The following SLC6A2 variants were observed in gnomAD, a reference collection of about 807,000 sequenced individuals.
SLC6A2 encodes the protein sodium-dependent noradrenaline transporter.
Under a neutral mutation model 71.7 loss-of-function variants are expected in SLC6A2, and 26 were observed. That is an observed-to-expected ratio of 0.36 (90% confidence interval 0.27 to 0.50). The LOEUF (loss-of-function observed/expected upper bound fraction) is 0.50. SLC6A2 is among the 20% of genes least tolerant of loss of function. The pLI, the probability that SLC6A2 is intolerant of heterozygous loss-of-function variation, is 0.96. For missense variants in SLC6A2, 581 were observed against 803.9 expected, an observed-to-expected ratio of 0.72 and a Z score of 3.35; for synonymous variants, 363 against 337.9, an observed-to-expected ratio of 1.07 and a Z score of -0.82.
chr16:55,676,039 G>A (rs1475494791), intron 4 of SLC6A2, among the ~76,000 whole-genome samples: 1 of 152,150 alleles, frequency 6.6e-6, no homozygotes, highest in African/African-American at 2.4e-5. Context: ...ACCCTCAATG[G>A]TTCACTGCAG....
At chr16:55,686,213 G>T (rs745534396) in intron 5 of SLC6A2, among the ~76,000 whole-genome samples, 112 of 152,258 alleles carry the variant, frequency 7.4e-4, no homozygotes, top group Non-Finnish European at 1.5e-3. Context: ...TGGCTTCACT[G>T]GGCTGGAATA....
chr16:55,682,626 A>G (rs904082397), intron 4 of SLC6A2, among the ~76,000 whole-genome samples: 5 of 152,320 alleles, frequency 3.3e-5, no homozygotes, highest in Non-Finnish European at 7.4e-5. Flanking sequence ...CCTTGTATAC[A>G]GTTAGCCCTG....
In SLC6A2 at chr16:55,691,875, G is replaced by A. The variant is rs1170787233; in HGVS notation, c.784-43G>A. On this transcript the variant is annotated intron_variant, in intron 5 of 14. Transcript: ENST00000568943. Reference sequence around the variant, plus strand: ...TGCCCCACCAGCCCGCCACGGGATTGGGGCCAGAGCGAGGCTCTCACCTGA... The same window carrying A: ...TGCCCCACCAGCCCGCCACGGGATTAGGGCCAGAGCGAGGCTCTCACCTGA... 4 of 1,612,384 alleles carry A rather than the reference G, an allele frequency of 2.5e-6. No homozygotes were observed. In the Admixed American group the frequency reaches 6.7e-5, roughly 27 times the overall value.
At chr16:55,691,211 A>AG (rs201036629) in intron 5 of SLC6A2, among the ~76,000 whole-genome samples, 1 of 116,026 alleles carries the variant, frequency 8.6e-6, no homozygotes, top group African/African-American at 3.5e-5. Flanking sequence ...AGAAAAAGAG[A>AG]GGGGGGGAGG....
intron 5 of SLC6A2, among the ~76,000 whole-genome samples, chr16:55,686,511 G>A (rs973902097): frequency 4.6e-5 from 7 of 152,216 alleles, no homozygotes; most frequent in African/African-American, 1.7e-4. Context: ...ACACACAGGT[G>A]TGAGTTCATT....
At chr16:55,695,246 G>T in intron 7 of SLC6A2, 32 bp from the exon 8 acceptor site, 1 of 1,613,736 alleles carries the variant, frequency 6.2e-7, no homozygotes, top group East Asian at 2.2e-5. Flanking sequence ...AGGGTGTCAA[G>T]GGACTTGACC....
At position 55,691,885 on chromosome 16, in the gene SLC6A2, C is replaced by T. The variant is rs774142358; in HGVS notation, c.784-33C>T. On this transcript the variant is annotated intron_variant, in intron 5 of 14. Coordinates refer to ENST00000568943, the MANE Select transcript of SLC6A2 (RefSeq NM_001172501.3). Reference sequence around the variant, plus strand: ...GCCCGCCACGGGATTGGGGCCAGAGCGAGGCTCTCACCTGAACTTATCCAT... The same window carrying T: ...GCCCGCCACGGGATTGGGGCCAGAGTGAGGCTCTCACCTGAACTTATCCAT... The T allele has an allele frequency of 1.5e-5, 24 of 1,613,234 alleles. No individual in the cohort carries two copies. In the South Asian group the frequency reaches 1.6e-4, roughly 11 times the overall value.
chr16:55,682,811 G>A (rs1965317143), intron 4 of SLC6A2, among the ~76,000 whole-genome samples: 1 of 152,216 alleles, frequency 6.6e-6, no homozygotes, highest in South Asian at 2.1e-4. Flanking sequence ...CTGAGTGTGA[G>A]GCACAGAGAA....
intron 5 of SLC6A2, among the ~76,000 whole-genome samples, chr16:55,689,007 A>G (rs1480086724): frequency 6.6e-6 from 1 of 152,174 alleles, no homozygotes; most frequent in East Asian, 1.9e-4. Context: ...CTTAGGGACT[A>G]AGGACATTTG....
chr16:55,687,011 T>G (rs960709642), intron 5 of SLC6A2, among the ~76,000 whole-genome samples: 6 of 152,214 alleles, frequency 3.9e-5, no homozygotes, highest in Non-Finnish European at 8.8e-5. Flanking sequence ...ATACTAGTGA[T>G]GCAAGAATAA....
chr16:55,702,018 A>T, intron 14 of SLC6A2, 84 bp downstream of exon 14: 1 of 1,093,614 alleles, frequency 9.1e-7, no homozygotes, highest in Non-Finnish European at 1.4e-6. Context: ...AAGGCTAGAC[A>T]TCACATCCAG....
At chr16:55,661,250 T>C (rs1319653932) in intron 2 of SLC6A2, among the ~76,000 whole-genome samples, 2 of 152,214 alleles carry the variant, frequency 1.3e-5, no homozygotes, top group African/African-American at 2.4e-5. Context: ...CTGCTTCTGT[T>C]TGAGTCCTGT....
chr16:55,699,461 C>T lies in SLC6A2; in HGVS notation c.1490-93C>T, dbSNP rs1387386448. The T allele has an allele frequency of 6.3e-6, 6 of 954,008 alleles. No individual in the cohort carries two copies. In the East Asian group the frequency reaches 1.4e-4, roughly 23 times the overall value. 59.1% of individuals were successfully genotyped at this position (954,008 alleles called of 1,614,324 possible). ...GGGTATCAGCATCTTGCCTCACTGC[C>T]CTGCTCTCCACCTGGGGCCAGAACC... On this transcript the variant is annotated intron_variant, in intron 11 of 14. Transcript: ENST00000568943.
chr16:55,664,263 C>A (rs958663437), intron 2 of SLC6A2, among the ~76,000 whole-genome samples: 3 of 152,312 alleles, frequency 2.0e-5, no homozygotes, highest in East Asian at 3.9e-4. Flanking sequence ...GCATCCCCCT[C>A]CCACTACCTT....
At chr16:55,686,801 A>C (rs1469484831) in intron 5 of SLC6A2, among the ~76,000 whole-genome samples, 1 of 152,196 alleles carries the variant, frequency 6.6e-6, no homozygotes, top group Non-Finnish European at 1.5e-5. Context: ...CAGGGCTTGG[A>C]GAAAGTCTAG....
At chr16:55,669,763 G>A in intron 3 of SLC6A2, 67 bp downstream of exon 3, 3 of 1,567,772 alleles carry the variant, frequency 1.9e-6, no homozygotes, top group African/African-American at 1.3e-5. Context: ...TGGGGAATCT[G>A]CTCCAGTGGT....
chr16:55,656,817 C>A lies in SLC6A2; in HGVS notation c.123C>A (p.Gly41=). The A allele has an allele frequency of 6.2e-7, 1 of 1,613,406 alleles. No individual in the cohort carries two copies. Among genetic ancestry groups the A allele is most frequent in the Non-Finnish European group, 8.5e-7 (1 of 1,179,718 alleles). The part of the protein sequence containing the change: ...AELLVVKERN[G]VQCLLAPRDG... ...TGCTGGTGGTGAAGGAGCGCAACGGCGTCCAGTGCCTGCTGGCGCCCCGCG... is the reference window on the plus strand; with the variant it reads ...TGCTGGTGGTGAAGGAGCGCAACGGAGTCCAGTGCCTGCTGGCGCCCCGCG... Residue 41 remains glycine, a synonymous_variant, in exon 2 of 15, where the codon GGC becomes GGA. Transcript: ENST00000568943. The surrounding 1 kb of genome is among the most constrained non-coding windows in gnomAD (Gnocchi z 4.5).
Position 55,704,383 on chromosome 16 carries a change from G to A in SLC6A2, c.*2037G>A, listed in dbSNP as rs1189601290. The A allele has an allele frequency of 6.6e-6, 1 of 152,216 alleles. No homozygotes were observed. The highest frequency in any genetic ancestry group is 1.9e-4 in the East Asian group (1 of 5,178). The allele number at this position is 152,216 out of a possible 1,614,324, so 9.4% of individuals were successfully genotyped here. A position where few individuals can be genotyped will look rare whatever the true frequency, so the allele number is the denominator to read the frequency against. On this transcript the variant is annotated 3_prime_UTR_variant, in exon 15 of 15. Transcript: ENST00000568943. ...TTCACATCCACTGACTCTCAGCCCAGATTATTTTGAATATTCCCTGCACAA... is the reference window on the plus strand; with the variant it reads ...TTCACATCCACTGACTCTCAGCCCAAATTATTTTGAATATTCCCTGCACAA...
At chr16:55,677,698 G>T (rs1965137325) in intron 4 of SLC6A2, among the ~76,000 whole-genome samples, 1 of 140,442 alleles carries the variant, frequency 7.1e-6, no homozygotes, top group South Asian at 2.4e-4. Flanking sequence ...AAAAGACGGG[G>T]TCTTGCTCTG....
Sources: allele counts gnomAD v4.1 joint callset (sites outside exome capture counted in the v4.1 genomes callset), GRCh38; gene constraint gnomAD v4.1.1; non-coding constraint Gnocchi (gnomAD v3.1); transcripts MANE v1.5; gene names NCBI Gene and HGNC (gene_info 2026-07-23, HGNC 2026-07-21).